The following DNAH17 variants were observed in gnomAD, a reference collection of about 807,000 sequenced individuals.
The protein encoded by DNAH17 is axonemal beta dynein heavy chain 17.
Under a neutral mutation model 485.6 loss-of-function variants are expected in DNAH17, and 376 were observed. The observed-to-expected ratio is 0.77, with a 90% CI of 0.71 to 0.84. DNAH17 has a LOEUF of 0.84. DNAH17 is among the 40% of genes least tolerant of loss of function. The probability of loss-of-function intolerance (pLI) is 0.00; values close to 1 mark genes in which losing one functional copy is unlikely to be tolerated. For synonymous variants in DNAH17, 3,031 were observed against 2,405.9 expected (o/e 1.26, Z -7.60); for missense variants, 6,370 against 5,839.3 (o/e 1.09, Z -2.96).
intron 25 of DNAH17, among the ~76,000 whole-genome samples, chr17:78,519,498 ATC>A (rs1397978910): frequency 1.3e-5 from 2 of 152,310 alleles, no homozygotes; most frequent in African/African-American, 4.8e-5. Flanking sequence ...TTAAACAAAA[ATC>A]TTTTTCTTTG....
Position 78,451,661 on chromosome 17 carries a change from G to C in DNAH17, c.10542C>G (p.Ile3514Met), listed in dbSNP as rs539376931. ...NTIKKGKYIK[I>M]GDKEVEYHPK... ...GGTGGTACTCCACCTCCTTGTCACC[G>C]ATCTTAATGTACCTGGCGGTTGGTG... The change falls in exon 66 of 81, where the codon ATC (isoleucine) becomes ATG (methionine). Residue 3514 changes from isoleucine (I) to methionine (M), a missense_variant. Physicochemically the swap from Ile to Met is conservative, Grantham distance 10 (BLOSUM62 1). Transcript: ENST00000389840. 6.4e-7 allele frequency: 1 copy of C among 1,572,776 alleles called. No homozygotes were observed. The highest frequency in any genetic ancestry group is 2.3e-5 in the East Asian group (1 of 43,458).
chr17:78,550,853 G>A (rs2091886425), intron 16 of DNAH17, among the ~76,000 whole-genome samples: 1 of 152,290 alleles, frequency 6.6e-6, no homozygotes, highest in South Asian at 2.1e-4. Context: ...TTTGGACAAG[G>A]GAGGACTCAA....
chr17:78,472,977 C>G (rs940692053), intron 54 of DNAH17, among the ~76,000 whole-genome samples: 1 of 152,210 alleles, frequency 6.6e-6, no homozygotes, highest in Admixed American at 6.5e-5. Flanking sequence ...GCTTTTCACA[C>G]GGCACACTGT....
At chr17:78,570,635 G>A (rs577345090) in intron 6 of DNAH17, among the ~76,000 whole-genome samples, 9 of 151,918 alleles carry the variant, frequency 5.9e-5, no homozygotes, top group East Asian at 1.9e-4. Flanking sequence ...CGAGGTGGGC[G>A]GATCATGAGG....
intron 11 of DNAH17, among the ~76,000 whole-genome samples, chr17:78,563,964 A>C (rs1309971536): frequency 1.3e-5 from 2 of 152,120 alleles, no homozygotes; most frequent in African/African-American, 4.8e-5. Context: ...CATACGTGAA[A>C]ATTTTTAAAA....
rs2092344360 is a variant in DNAH17, at chr17:78,570,872, A to AAAAAAAAAAAAAAAAAAAAAG, written c.918+75_918+76insCTTTTTTTTTTTTTTTTTTTT. 3.8e-6 allele frequency: 3 copies of AAAAAAAAAAAAAAAAAAAAAG among 794,082 alleles called. No homozygotes were observed. The African/African-American group carries it at 6.2e-5, about 16-fold the overall frequency. 49.2% of individuals were successfully genotyped at this position (794,082 alleles called of 1,614,324 possible). ...ACTCCCTCTCAAAAAAAAAAAAAAAAAAAAAAGAAAAAAGAAAAGAAAAGA... is the reference window on the plus strand; with the variant it reads ...ACTCCCTCTCAAAAAAAAAAAAAAAAAAAAAAAAAAAAAAAAAAAAGAAAAAAGAAAAAAGAAAAGAAAAGA... On this transcript the variant is annotated intron_variant, in intron 6 of 80. Transcript: ENST00000389840.
Position 78,512,340 on chromosome 17 carries a change from G to A in DNAH17, c.4114-1834C>T, listed in dbSNP as rs993175428. On this transcript the variant is annotated intron_variant, in intron 26 of 80. Coordinates refer to ENST00000389840, the MANE Select transcript of DNAH17 (RefSeq NM_173628.4). The stretch of plus-strand genomic sequence containing the variant: ...TGTCTTCACAGTTCTCACTCCCAAG[G>A]CCCAAGCCAAATTTCACACTCACTC... Among the ~76,000 whole-genome samples the A allele has an allele frequency of 3.3e-5, 5 of 152,176 alleles. No individual in the cohort carries two copies. The East Asian group carries it at 9.7e-4, about 29-fold the overall frequency.
intron 33 of DNAH17, 88 bp downstream of exon 33, chr17:78,502,503 C>T (rs542666450): frequency 2.4e-5 from 30 of 1,274,234 alleles, no homozygotes; most frequent in Admixed American, 8.6e-5. Context: ...GGTACTCGCC[C>T]GGCAGGTTTC....
In DNAH17 at chr17:78,485,739, T is replaced by C. The variant is rs1568133096; in HGVS notation, c.7294A>G (p.Thr2432Ala). 2 of 1,612,574 alleles carry C rather than the reference T, an allele frequency of 1.2e-6. No individual in the cohort carries two copies. The highest frequency in any genetic ancestry group is 2.2e-5 in the East Asian group (1 of 44,890). Residue 2432 changes from threonine to alanine, a missense_variant, in exon 47 of 81, where the codon ACG becomes GCG. Thr to Ala is a moderately conservative substitution (Grantham distance 58, BLOSUM62 0). Transcript: ENST00000389840. Reference protein sequence around the residue: ...VPLQASLVHTTETIRIRYFMD... With the variant: ...VPLQASLVHTAETIRIRYFMD... ...AAGTAGCGGATGCGGATGGTTTCCGTGGTGTGGACCAAAGAGGCCTGGGGC... is the reference window on the plus strand; with the variant it reads ...AAGTAGCGGATGCGGATGGTTTCCGCGGTGTGGACCAAAGAGGCCTGGGGC...
chr17:78,475,611 C>A (rs746199132), intron 53 of DNAH17, 58 bp downstream of exon 53: 6 of 1,605,028 alleles, frequency 3.7e-6, no homozygotes, highest in South Asian at 1.1e-5. Flanking sequence ...ATAATGCAAC[C>A]GGAGAGGGTG....
intron 51 of DNAH17, 152 bp downstream of exon 51, chr17:78,478,873 T>A (rs527690844): frequency 1.5e-6 from 1 of 652,986 alleles, no homozygotes; most frequent in South Asian, 2.0e-5. Flanking sequence ...ACCACCACCA[T>A]TACCATCACC....
At chr17:78,432,402 G>T (rs982896677) in intron 75 of DNAH17, among the ~76,000 whole-genome samples, 2 of 152,128 alleles carry the variant, frequency 1.3e-5, no homozygotes, top group Non-Finnish European at 2.9e-5. Context: ...GACAGCAGAG[G>T]CTGCCTTTCC....
Position 78,500,293 on chromosome 17 carries a change from C to T in DNAH17, c.5640+12G>A, listed in dbSNP as rs1190848218. The T allele has an allele frequency of 1.9e-6, 3 of 1,605,576 alleles. No homozygotes were observed. Among genetic ancestry groups the T allele is most frequent in the Non-Finnish European group, 2.5e-6 (3 of 1,176,498 alleles). Reference sequence around the variant, plus strand: ...AGACTCTGGGTCCCTCCTCCGGACCCCGGCCGCGTACCTTGTAGTCCATCT... The same window carrying T: ...AGACTCTGGGTCCCTCCTCCGGACCTCGGCCGCGTACCTTGTAGTCCATCT... On this transcript the variant is annotated intron_variant, in intron 36 of 80. Coordinates refer to ENST00000389840, the MANE Select transcript of DNAH17 (RefSeq NM_173628.4).
At chr17:78,545,135 A>G (rs1215928662) in intron 16 of DNAH17, among the ~76,000 whole-genome samples, 1 of 152,168 alleles carries the variant, frequency 6.6e-6, no homozygotes. Context: ...TGAACGATGA[A>G]GACTTAGATC....
chr17:78,543,565 C>G (rs1012862890), intron 17 of DNAH17, among the ~76,000 whole-genome samples: 1 of 152,118 alleles, frequency 6.6e-6, no homozygotes, highest in Non-Finnish European at 1.5e-5. Flanking sequence ...GCTGGGATTA[C>G]AGGCGTGAGC....
chr17:78,491,044 G>A (rs553824213), intron 43 of DNAH17, among the ~76,000 whole-genome samples, 197 bp from the exon 44 acceptor site: 127 of 152,254 alleles, frequency 8.3e-4, no homozygotes, highest in Non-Finnish European at 1.2e-3. Context: ...GCCTCTAGAC[G>A]CCCACACCGT....
intron 41 of DNAH17, among the ~76,000 whole-genome samples, chr17:78,493,395 A>G (rs575206488): frequency 8.5e-5 from 13 of 152,334 alleles, no homozygotes; most frequent in Admixed American, 5.9e-4. Flanking sequence ...CACTCACTGA[A>G]AAACCATCTA....
At chr17:78,470,810 T>A (rs372794038) in intron 54 of DNAH17, among the ~76,000 whole-genome samples, 5 of 152,208 alleles carry the variant, frequency 3.3e-5, no homozygotes, top group African/African-American at 1.2e-4. Context: ...TGAATAAATA[T>A]ACTGCAGGCT....
Position 78,485,967 on chromosome 17 carries a change from G to A in DNAH17, c.7268C>T (p.Pro2423Leu), listed in dbSNP as rs569923882. Residue 2423 changes from proline (P) to leucine (L), a missense_variant, in exon 46 of 81, where the codon CCA (proline) becomes CTA (leucine). Physicochemically the swap from Pro to Leu is moderately conservative, Grantham distance 98 (BLOSUM62 -3). Transcript: ENST00000389840. Reference protein sequence around the residue: ...VPSFELDPDVPLQASLVHTTE... With the variant: ...VPSFELDPDVLLQASLVHTTE... ...TGCTTTGGGGACAGTTACCTGCAGT[G>A]GGACATCGGGATCCAGCTCAAAGGA... The A allele has an allele frequency of 6.2e-6, 10 of 1,611,842 alleles. No individual in the cohort carries two copies. Among genetic ancestry groups the A allele is most frequent in the Non-Finnish European group, 5.9e-6 (7 of 1,179,614 alleles).
Sources: gnomAD v4.1 joint callset for allele counts (sites outside exome capture counted in the v4.1 genomes callset) on GRCh38, gnomAD v4.1.1 for gene constraint, MANE v1.5 for transcripts, NCBI Gene and HGNC (gene_info 2026-07-23, HGNC 2026-07-21) for gene names.